Variants in IFT81 observed in about 807,000 individuals in gnomAD.
The protein encoded by IFT81 is intraflagellar transport 81, also known as intraflagellar transport protein 81 homolog.
IFT81 carries 72 observed loss-of-function variants against 102.6 expected under a neutral mutation model. The ratio of observed to expected loss-of-function variants is 0.70; its 90% CI spans 0.58 to 0.85. The LOEUF (loss-of-function observed/expected upper bound fraction) is 0.85. Among genes scored for constraint, IFT81 ranks in the 40% least tolerant of loss-of-function variants. IFT81 has a pLI of 0.00. For synonymous variants in IFT81, 237 were observed against 242.7 expected (o/e 0.98, Z 0.22); for missense variants, 723 against 787.3 (o/e 0.92, Z 0.98).
chr12:110,143,656 G>A (rs1326686340), intron 9 of IFT81, 111 bp downstream of exon 9: 2 of 816,486 alleles, frequency 2.4e-6, no homozygotes, highest in East Asian at 3.2e-5. Context: ...AAATTAACCT[G>A]TGCTAAGAGT....
At chr12:110,204,006 T>C (rs1361213819) in intron 15 of IFT81, 56 bp downstream of exon 15, 9 of 1,083,650 alleles carry the variant, frequency 8.3e-6, no homozygotes, top group Non-Finnish European at 1.2e-5. Flanking sequence ...TGTGTACACC[T>C]GTAGTCCCAG....
At chr12:110,146,923 CT>C (rs565068506) in intron 9 of IFT81, 29 bp from the exon 10 acceptor site, 70,173 of 999,930 alleles carry the variant, frequency 0.07, 62 homozygotes, top group South Asian at 0.11. Flanking sequence ...AAAGTTTTAA[CT>C]TTTTTTTTTT....
chr12:110,169,851 C>T (rs1209035831), intron 11 of IFT81, among the ~76,000 whole-genome samples: 1 of 152,134 alleles, frequency 6.6e-6, no homozygotes, highest in Non-Finnish European at 1.5e-5. Flanking sequence ...GCTTGAGCCA[C>T]CTCACCCAGC....
intron 18 of IFT81, chr12:110,216,803 T>G (rs1870197176): frequency 3.0e-6 from 1 of 332,012 alleles, no homozygotes; most frequent in Non-Finnish European, 5.8e-6. Context: ...GTTTTCCACT[T>G]GAAACTCCAA....
intron 10 of IFT81, among the ~76,000 whole-genome samples, chr12:110,158,750 C>CTGTA (rs1163207152): frequency 6.6e-6 from 1 of 152,072 alleles, no homozygotes; most frequent in Non-Finnish European, 1.5e-5. Context: ...CCACCACGCC[C>CTGTA]GTCTAATTTT....
In IFT81 at chr12:110,218,270, A is replaced by G; in HGVS notation, c.*44A>G. On this transcript the variant is annotated 3_prime_UTR_variant, in exon 19 of 19. Transcript: ENST00000242591. ...GGGGTTTTACTTGATACCACTAGCTATAAGCCTAATCTCATAATGTATTTC... is the reference window on the plus strand; with the variant it reads ...GGGGTTTTACTTGATACCACTAGCTGTAAGCCTAATCTCATAATGTATTTC... The G allele has an allele frequency of 7.2e-7, 1 of 1,391,262 alleles. No homozygotes were observed. The highest frequency in any genetic ancestry group is 9.6e-7 in the Non-Finnish European group (1 of 1,038,938). 86.2% of individuals were successfully genotyped at this position (1,391,262 alleles called of 1,614,324 possible).
chr12:110,147,070 A>C, intron 10 of IFT81, 22 bp downstream of exon 10: 1 of 1,565,828 alleles, frequency 6.4e-7, no homozygotes. Context: ...CTTTTGGCTC[A>C]CATATTTAGA....
At chr12:110,212,672 A>G (rs1869610635) in intron 18 of IFT81, among the ~76,000 whole-genome samples, 1 of 152,032 alleles carries the variant, frequency 6.6e-6, no homozygotes, top group South Asian at 2.1e-4. Context: ...CCCCTTCTCT[A>G]CTAAAAATAC....
At chr12:110,158,598 T>A (rs12319517) in intron 10 of IFT81, among the ~76,000 whole-genome samples, 2,307 of 151,916 alleles carry the variant, frequency 0.015, 54 homozygotes, top group African/African-American at 0.053. Context: ...TGATTTTTTT[T>A]TTTCTTTTTG....
At chr12:110,201,678 C>A (rs1593368402) in intron 14 of IFT81, among the ~76,000 whole-genome samples, 1 of 152,064 alleles carries the variant, frequency 6.6e-6, no homozygotes, top group African/African-American at 2.4e-5. Context: ...AACTCCTGGG[C>A]TCAAGCGATC....
intron 13 of IFT81, 57 bp from the exon 14 acceptor site, chr12:110,192,560 G>C: frequency 2.2e-6 from 2 of 896,078 alleles, no homozygotes; most frequent in South Asian, 3.1e-5. Context: ...TATGCATGTA[G>C]TATTTTTCTT....
In IFT81 at chr12:110,190,963, C is replaced by T; in HGVS notation, c.1382C>T (p.Thr461Ile). 1 of 1,606,094 alleles carries T rather than the reference C, an allele frequency of 6.2e-7. No individual in the cohort carries two copies. Among genetic ancestry groups the T allele is most frequent in the Non-Finnish European group, 8.5e-7 (1 of 1,176,600 alleles). The part of the protein sequence containing the change: ...EKKGISGYSY[T>I]QEELERVSAL... ...AAGGGTATATCTGGATATAGTTACACCCAAGAAGAGCTAGAAAGAGTATCT... is the reference window on the plus strand; with the variant it reads ...AAGGGTATATCTGGATATAGTTACATCCAAGAAGAGCTAGAAAGAGTATCT... The change falls in exon 13 of 19, where the codon ACC becomes ATC. Residue 461 changes from threonine to isoleucine, a missense_variant. Transcript: ENST00000242591.
chr12:110,191,818 A>C (rs1897812681), intron 13 of IFT81, among the ~76,000 whole-genome samples: 1 of 151,914 alleles, frequency 6.6e-6, no homozygotes, highest in Non-Finnish European at 1.5e-5. Flanking sequence ...CACATTGGCC[A>C]TTCCCCCAGA....
intron 11 of IFT81, among the ~76,000 whole-genome samples, chr12:110,176,838 T>C (rs1272448808): frequency 6.6e-6 from 1 of 152,246 alleles, no homozygotes; most frequent in East Asian, 1.9e-4. Context: ...GTTTGTTCTT[T>C]CATCAAAAAC....
At chr12:110,145,055 C>T (rs1444119535) in intron 9 of IFT81, among the ~76,000 whole-genome samples, 14 of 133,554 alleles carry the variant, frequency 1.0e-4, no homozygotes, top group Non-Finnish European at 2.2e-4. Context: ...TTTTTTTACA[C>T]GGAGTCTCAC....
intron 8 of IFT81, among the ~76,000 whole-genome samples, chr12:110,141,555 G>A (rs953538386): frequency 6.6e-6 from 1 of 152,140 alleles, no homozygotes; most frequent in Admixed American, 6.6e-5. Context: ...CTATTACACA[G>A]ATTACTTAAA....
At position 110,218,215 on chromosome 12, in the gene IFT81, C is replaced by T. The variant is rs1345090816; in HGVS notation, c.2020C>T (p.Leu674=). Residue 674 remains leucine, a synonymous_variant, in exon 19 of 19, where the codon CTA becomes TTA. Coordinates refer to ENST00000242591, the MANE Select transcript of IFT81 (RefSeq NM_014055.4). The stretch of plus-strand genomic sequence containing the variant: ...AATTCAGGAGGGTGGGGAGGACCGG[C>T]TAATACTGTGAATTCTTGTGTCATC... ...QVIQEGGEDR[L]IL 6.5e-7 allele frequency: 1 copy of T among 1,536,360 alleles called. No homozygotes were observed. Among genetic ancestry groups the T allele is most frequent in the South Asian group, 1.3e-5 (1 of 77,570 alleles).
intron 11 of IFT81, among the ~76,000 whole-genome samples, chr12:110,178,970 G>T (rs1211193227): frequency 6.6e-6 from 1 of 151,446 alleles, no homozygotes; most frequent in African/African-American, 2.4e-5. Flanking sequence ...ACTCTAGTTG[G>T]TATTACTTAA....
chr12:110,186,796 G>A lies in IFT81; in HGVS notation c.1339-4124G>A, dbSNP rs535371553. On this transcript the variant is annotated intron_variant, in intron 12 of 18. Transcript: ENST00000242591. ...TCCACCTGCCTTGCCTCCCAAGGCT[G>A]GGCTTACAGGCATGAGCCACCACGC... 2.6e-5 allele frequency among the ~76,000 whole-genome samples: 4 copies of A among 152,270 alleles called. No homozygotes were observed. The South Asian group carries it at 8.3e-4, about 32-fold the overall frequency.
Sources: allele counts gnomAD v4.1 joint callset (sites outside exome capture counted in the v4.1 genomes callset), GRCh38; gene constraint gnomAD v4.1.1; transcripts MANE v1.5; gene names NCBI Gene and HGNC (gene_info 2026-07-23, HGNC 2026-07-21).